The following IYD variants were observed in gnomAD, a reference collection of about 807,000 sequenced individuals.
IYD encodes the protein iodotyrosine deiodinase.
IYD carries 25 observed loss-of-function variants against 28.4 expected under a neutral mutation model. The ratio of observed to expected loss-of-function variants is 0.88; its 90% CI spans 0.64 to 1.23. The LOEUF is 1.23. Ranked by LOEUF, IYD falls within the 50% of genes most tolerant of loss-of-function variation. The pLI, the probability that IYD is intolerant of heterozygous loss-of-function variation, is 0.00. For missense variants in IYD, 352 were observed against 357.9 expected (o/e 0.98, Z 0.13); for synonymous variants, 140 against 130.8 (o/e 1.07, Z -0.48).
intron 4 of IYD, 79 bp from the exon 5 acceptor site, chr6:150,397,976 C>G (rs748214500): frequency 4.1e-5 from 56 of 1,382,326 alleles, no homozygotes; most frequent in Non-Finnish European, 5.8e-5. Context: ...ATAATCAGGA[C>G]AAGAAGGTCC....
At chr6:150,369,834 G>C (rs1777152955) in intron 1 of IYD, 1 of 634,110 alleles carries the variant, frequency 1.6e-6, no homozygotes, top group African/African-American at 1.8e-5. Flanking sequence ...AATAGCAAGT[G>C]CTGGGAGGCC....
chr6:150,373,815 C>A (rs1376010785), intron 1 of IYD, among the ~76,000 whole-genome samples: 1 of 152,194 alleles, frequency 6.6e-6, no homozygotes, highest in Non-Finnish European at 1.5e-5. Context: ...CTATGGGAAG[C>A]AATGCAATCA....
At chr6:150,377,414 T>C (rs1481447418) in intron 1 of IYD, among the ~76,000 whole-genome samples, 1 of 152,200 alleles carries the variant, frequency 6.6e-6, no homozygotes, top group Admixed American at 6.5e-5. Flanking sequence ...CCAGCCCTGC[T>C]AGTCTCATTC....
At chr6:150,392,275 C>A in intron 2 of IYD, 70 bp from the exon 3 acceptor site, 1 of 1,607,346 alleles carries the variant, frequency 6.2e-7, no homozygotes, top group Middle Eastern at 2.2e-4. Context: ...CAGGGATGAG[C>A]CTCTCCTTAA....
At chr6:150,397,547 G>A (rs557934116) in intron 4 of IYD, among the ~76,000 whole-genome samples, 3 of 140,786 alleles carry the variant, frequency 2.1e-5, no homozygotes, top group African/African-American at 7.9e-5. Flanking sequence ...TCCAGCCTGG[G>A]TGATAGAGCC....
intron 4 of IYD, chr6:150,395,691 C>A: frequency 2.5e-6 from 2 of 802,776 alleles, no homozygotes; most frequent in Non-Finnish European, 4.2e-6. Context: ...CTCCATGAAG[C>A]CCGCATCTCC....
At chr6:150,369,885 G>T (rs1474406123) in intron 1 of IYD, 3 of 683,518 alleles carry the variant, frequency 4.4e-6, no homozygotes, top group Non-Finnish European at 8.0e-6. Context: ...AGCACCTGGA[G>T]GCCTGGGGCA....
chr6:150,397,235 A>G (rs1778355509), intron 4 of IYD, among the ~76,000 whole-genome samples: 1 of 152,168 alleles, frequency 6.6e-6, no homozygotes, highest in South Asian at 2.1e-4. Flanking sequence ...AACAAATCAT[A>G]GATTCCAGGC....
intron 1 of IYD, chr6:150,369,857 A>T (rs1186191017): frequency 6.2e-6 from 4 of 648,192 alleles, no homozygotes; most frequent in Non-Finnish European, 5.6e-6. Flanking sequence ...TCAGGCAACA[A>T]GGAGCCAAAG....
At chr6:150,378,608 T>A (rs1198524563) in intron 1 of IYD, among the ~76,000 whole-genome samples, 1 of 152,126 alleles carries the variant, frequency 6.6e-6, no homozygotes. Context: ...CTCACACCAG[T>A]TAGGATGGCA....
rs765387406 is a variant in IYD at position 150,392,534 on chromosome 6, T to A, written c.530+30T>A. 26 of 1,611,782 alleles carry A rather than the reference T, an allele frequency of 1.6e-5. 1 individual carries two copies. In the Middle Eastern group the frequency reaches 3.8e-3, roughly 239 times the overall value. ...AAACAGTGGTGGAACTGGGGATGTT[T>A]GCCTTGGCCTCTTAAAATAAAATCA... On this transcript the variant is annotated intron_variant, in intron 3 of 4. Coordinates refer to ENST00000344419, the MANE Select transcript of IYD (RefSeq NM_203395.3).
At chr6:150,397,898 C>T (rs1169865836) in intron 4 of IYD, among the ~76,000 whole-genome samples, 157 bp from the exon 5 acceptor site, 5 of 152,042 alleles carry the variant, frequency 3.3e-5, no homozygotes, top group African/African-American at 7.3e-5. Context: ...GGGAGGTTCA[C>T]GATGCCATTA....
chr6:150,376,339 G>A (rs552146139), intron 1 of IYD, among the ~76,000 whole-genome samples: 1 of 152,140 alleles, frequency 6.6e-6, no homozygotes, highest in African/African-American at 2.4e-5. Flanking sequence ...CTGGGGAATC[G>A]CCAATAACCC....
chr6:150,395,103 T>C (rs1778263415), intron 4 of IYD, among the ~76,000 whole-genome samples: 1 of 152,216 alleles, frequency 6.6e-6, no homozygotes, highest in Non-Finnish European at 1.5e-5. Context: ...ATTACAGGCG[T>C]AAGCCACCAT....
At chr6:150,370,045 G>T in intron 1 of IYD, 1 of 702,258 alleles carries the variant, frequency 1.4e-6, no homozygotes, top group Non-Finnish European at 2.6e-6. Flanking sequence ...GGAAGCTTGA[G>T]CCATCTGTGT....
At chr6:150,396,500 A>G (rs916429590) in intron 4 of IYD, 12 of 699,520 alleles carry the variant, frequency 1.7e-5, no homozygotes, top group Admixed American at 6.1e-5. Flanking sequence ...TACAAAATTC[A>G]GTATGGAGTA....
Position 150,394,244 on chromosome 6 carries a change from G to T in IYD, c.676G>T (p.Ala226Ser). Reference sequence around the variant, plus strand: ...TTCCATCGCTTGTGGCATCCTGCTAGCTGCCCTGCAGGTATGTTGAGACAT... The same window carrying T: ...TTCCATCGCTTGTGGCATCCTGCTATCTGCCCTGCAGGTATGTTGAGACAT... Reference protein sequence around the residue: ...SVSIACGILLAALQNAGLVTV... With the variant: ...SVSIACGILLSALQNAGLVTV... Residue 226 changes from alanine to serine, a missense_variant, in exon 4 of 5, where the codon GCT becomes TCT. Transcript: ENST00000344419. 1 of 1,614,182 alleles carries T rather than the reference G, an allele frequency of 6.2e-7. No individual in the cohort carries two copies. Among genetic ancestry groups the T allele is most frequent in the Non-Finnish European group, 8.5e-7 (1 of 1,180,034 alleles).
chr6:150,394,559 C>T (rs1778240972), intron 4 of IYD, among the ~76,000 whole-genome samples: 1 of 152,156 alleles, frequency 6.6e-6, no homozygotes, highest in Admixed American at 6.5e-5. Context: ...GCCTAAAAGT[C>T]ACAGAGGCTA....
At chr6:150,370,666 G>T in intron 1 of IYD, 1 of 985,422 alleles carries the variant, frequency 1.0e-6, no homozygotes, top group Non-Finnish European at 1.2e-6. Flanking sequence ...GTGAAGCTGG[G>T]TAATGGTTTG....
Sources: allele counts gnomAD v4.1 joint callset (sites outside exome capture counted in the v4.1 genomes callset), GRCh38; gene constraint gnomAD v4.1.1; transcripts MANE v1.5; gene names NCBI Gene and HGNC (gene_info 2026-07-23, HGNC 2026-07-21).